The following SLC39A6 variants were observed in gnomAD, a reference collection of about 807,000 sequenced individuals.
SLC39A6 encodes the protein zinc transporter ZIP6.
In SLC39A6, 51 loss-of-function variants were observed where a neutral mutation model predicts 63.5. The ratio of observed to expected loss-of-function variants is 0.80; its 90% CI spans 0.64 to 1.01. The LOEUF (loss-of-function observed/expected upper bound fraction) is 1.01. Ranked by LOEUF, SLC39A6 falls within the 50% of genes least tolerant of loss-of-function variation. The pLI is 0.00. For missense variants in SLC39A6, 805 were observed against 927.8 expected, an observed-to-expected ratio of 0.87 and a Z score of 1.72; for synonymous variants, 318 against 324.7, an observed-to-expected ratio of 0.98 and a Z score of 0.22.
Position 36,109,703 on chromosome 18 carries a change from T to C in SLC39A6, c.2158A>G (p.Ser720Gly). ...LHNDASDHGCSRWGYFFLQNA... is the reference protein window; with the variant it reads ...LHNDASDHGCGRWGYFFLQNA... ...TGTAAAAAGAAATACCCCCAGCGGC[T>C]ACATCCATGGTCACTAGCATCATTG... The change falls in exon 10 of 10, where the codon AGC (serine) becomes GGC (glycine). Residue 720 changes from serine (S) to glycine (G), a missense_variant. Physicochemically the swap from Ser to Gly is moderately conservative, Grantham distance 56 (BLOSUM62 0). This residue lies in a region of SLC39A6 where 145 missense variants were observed against 227.2 expected (regional missense o/e 0.64). Transcript: ENST00000269187. 6.2e-7 allele frequency: 1 copy of C among 1,613,082 alleles called. No homozygotes were observed. The highest frequency in any genetic ancestry group is 8.5e-7 in the Non-Finnish European group (1 of 1,179,296).
At chr18:36,116,292 A>C (rs1273605644) in intron 6 of SLC39A6, among the ~76,000 whole-genome samples, 1 of 152,184 alleles carries the variant, frequency 6.6e-6, no homozygotes, top group African/African-American at 2.4e-5. Flanking sequence ...ACTTACTCTC[A>C]AATGGTTTAG....
intron 7 of SLC39A6, 98 bp downstream of exon 7, chr18:36,113,999 C>A: frequency 7.1e-7 from 1 of 1,405,578 alleles, no homozygotes; most frequent in African/African-American, 1.4e-5. Flanking sequence ...CACTAATATC[C>A]TCATCTAAAC....
chr18:36,127,029 G>GA lies in SLC39A6; in HGVS notation c.-9-14_-9-13insT. The GA allele has an allele frequency of 6.4e-7, 1 of 1,552,652 alleles. No individual in the cohort carries two copies. Among genetic ancestry groups the GA allele is most frequent in the East Asian group, 2.3e-5 (1 of 44,194 alleles). On this transcript the variant is annotated splice_polypyrimidine_tract_variant and intron_variant, in intron 1 of 9. Transcript: ENST00000269187. ...CCATTGCGCCTTCCTAGAAAAGACA[G>GA]GAAAAAAAAATTCTTGACTCACTTC...
chr18:36,118,248 C>T (rs1197107149), intron 5 of SLC39A6, among the ~76,000 whole-genome samples: 1 of 152,134 alleles, frequency 6.6e-6, no homozygotes, highest in Non-Finnish European at 1.5e-5. Flanking sequence ...CACAGTGTTC[C>T]CTATGCTAAA....
chr18:36,129,312 A>C lies in SLC39A6; in HGVS notation c.-208T>G. 1 of 161,954 alleles carries C rather than the reference A, an allele frequency of 6.2e-6. No homozygotes were observed. The highest frequency in any genetic ancestry group is 5.9e-5 in the Admixed American group (1 of 17,044). 10.0% of individuals were successfully genotyped at this position (161,954 alleles called of 1,614,324 possible). On this transcript the variant is annotated 5_prime_UTR_variant, in exon 1 of 10. Coordinates refer to ENST00000269187, the MANE Select transcript of SLC39A6 (RefSeq NM_012319.4). Reference sequence around the variant, plus strand: ...GCAGCCACCCGGCAGCCGCGCCCCTAGCCTTCGCGAAGCTGGAAGACAATC... The same window carrying C: ...GCAGCCACCCGGCAGCCGCGCCCCTCGCCTTCGCGAAGCTGGAAGACAATC...
chr18:36,127,119 C>A, intron 1 of SLC39A6, 103 bp from the exon 2 acceptor site: 1 of 1,050,764 alleles, frequency 9.5e-7, no homozygotes, highest in South Asian at 1.7e-5. Flanking sequence ...ATCAAAGTTG[C>A]CAGAGCATCA....
At chr18:36,128,268 G>A (rs1176558568) in intron 1 of SLC39A6, among the ~76,000 whole-genome samples, 1 of 152,150 alleles carries the variant, frequency 6.6e-6, no homozygotes, top group Non-Finnish European at 1.5e-5. Context: ...AGCAAAAGAC[G>A]CAGACGTCAA....
In SLC39A6 at chr18:36,126,303, C is replaced by T. The variant is rs192582502; in HGVS notation, c.705G>A (p.Leu235=). ...SVTSKSRVSR[L]AGRKTNESVS... ...CAGATTCATTTGTTTTCCTACCAGC[C>T]AGCCGGCTCACCCGGCTCTTTGATG... Residue 235 remains leucine (L), a synonymous_variant, in exon 2 of 10, where the codon CTG becomes CTA. Transcript: ENST00000269187. 3 of 1,614,224 alleles carry T rather than the reference C, an allele frequency of 1.9e-6. No homozygotes were observed. The East Asian group carries it at 6.7e-5, about 36-fold the overall frequency.
intron 5 of SLC39A6, among the ~76,000 whole-genome samples, chr18:36,119,230 T>C (rs1947558669): frequency 6.6e-6 from 1 of 152,190 alleles, no homozygotes; most frequent in African/African-American, 2.4e-5. Flanking sequence ...AACTTTAATA[T>C]CTGGATGCCT....
intron 5 of SLC39A6, among the ~76,000 whole-genome samples, chr18:36,117,845 C>A (rs2089359533): frequency 6.6e-6 from 1 of 152,086 alleles, no homozygotes; most frequent in Non-Finnish European, 1.5e-5. Context: ...TCCTGGCTAA[C>A]ATGGTGAAAC....
chr18:36,120,764 A>G (rs1317286526), intron 5 of SLC39A6, among the ~76,000 whole-genome samples: 2 of 152,164 alleles, frequency 1.3e-5, no homozygotes, highest in Admixed American at 1.3e-4. Context: ...AAGTGCTAGG[A>G]TCATAGGCGT....
chr18:36,122,870 G>C (rs1178873681), intron 4 of SLC39A6, among the ~76,000 whole-genome samples: 1 of 152,196 alleles, frequency 6.6e-6, no homozygotes, highest in Non-Finnish European at 1.5e-5. Context: ...CCGAGAGCTT[G>C]TCAGAGCAAC....
intron 6 of SLC39A6, among the ~76,000 whole-genome samples, chr18:36,116,066 T>A (rs1567958177): frequency 1.3e-5 from 2 of 152,316 alleles, no homozygotes; most frequent in East Asian, 3.9e-4. Flanking sequence ...CAATATTTGA[T>A]CCTGAATTGT....
intron 8 of SLC39A6, among the ~76,000 whole-genome samples, chr18:36,111,765 G>A (rs906329858): frequency 1.8e-4 from 27 of 152,310 alleles, no homozygotes; most frequent in Non-Finnish European, 2.8e-4. Flanking sequence ...GATTAAAGGC[G>A]TGAGCCACTG....
chr18:36,111,208 G>A lies in SLC39A6; in HGVS notation c.1966C>T (p.Gln656Ter). 1 of 1,614,056 alleles carries A rather than the reference G, an allele frequency of 6.2e-7. No homozygotes were observed. Among genetic ancestry groups the A allele is most frequent in the Non-Finnish European group, 8.5e-7 (1 of 1,179,900 alleles). ...GACAATGCATTATAAAGGACAGCCT[G>A]CTTAACGGTCATGCCAGCCTTTAGT... ...VLLKAGMTVK[Q>*]AVLYNALSAM... The change falls in exon 9 of 10, where the codon CAG becomes TAG. Residue 656 changes from glutamine to a stop codon, truncating the protein, a stop_gained. Coordinates refer to ENST00000269187, the MANE Select transcript of SLC39A6 (RefSeq NM_012319.4). LOFTEE classifies it high-confidence loss of function.
chr18:36,111,310 C>T (rs1178980169), intron 8 of SLC39A6, 61 bp from the exon 9 acceptor site: 8 of 1,507,934 alleles, frequency 5.3e-6, no homozygotes, highest in Non-Finnish European at 7.2e-6. Context: ...AAGACACATA[C>T]CAAGATACTT....
At chr18:36,118,846 T>C (rs893503514) in intron 5 of SLC39A6, among the ~76,000 whole-genome samples, 1 of 152,156 alleles carries the variant, frequency 6.6e-6, no homozygotes, top group Non-Finnish European at 1.5e-5. Flanking sequence ...TAGGAGGCAG[T>C]AACTGTCACT....
rs747256624 is a variant in SLC39A6, at chr18:36,111,479, C to CTTTTTTTTTTTTTTT, written c.1925-231_1925-230insAAAAAAAAAAAAAAA. On this transcript the variant is annotated intron_variant, in intron 8 of 9. Transcript: ENST00000269187. ...TTCATCATTCAACTTGATGTACAAA[C>CTTTTTTTTTTTTTTT]TTTTTTTTTTTTTCTTTTTTTTGAG... Among the ~76,000 whole-genome samples the CTTTTTTTTTTTTTTT allele has an allele frequency of 1.8e-5, 2 of 110,610 alleles. 1 individual carries two copies. Among genetic ancestry groups the CTTTTTTTTTTTTTTT allele is most frequent in the African/African-American group, 6.3e-5 (2 of 31,582 alleles). The allele number at this position is 110,610 out of a possible 152,430, so 72.6% of individuals were successfully genotyped here. A position where few individuals can be genotyped will look rare whatever the true frequency, so the allele number is the denominator to read the frequency against.
chr18:36,125,781 C>A (rs537998087), intron 2 of SLC39A6, among the ~76,000 whole-genome samples: 1 of 152,252 alleles, frequency 6.6e-6, no homozygotes, highest in South Asian at 2.1e-4. Context: ...TCATGGTGGA[C>A]CTTCTGTCAA....
Sources: gnomAD v4.1 joint callset for allele counts (sites outside exome capture counted in the v4.1 genomes callset) on GRCh38, gnomAD v4.1.1 for gene constraint, gnomAD v4.1.1 regional missense constraint, MANE v1.5 for transcripts, NCBI Gene and HGNC (gene_info 2026-07-23, HGNC 2026-07-21) for gene names.